The following SDCCAG8 variants were observed in gnomAD, a reference collection of about 807,000 sequenced individuals.
SDCCAG8 encodes the protein SHH signaling and ciliogenesis regulator SDCCAG8.
A neutral mutation model predicts 101.8 loss-of-function variants in SDCCAG8; 74 were observed. The ratio of observed to expected loss-of-function variants is 0.73; its 90% CI spans 0.60 to 0.88. SDCCAG8 has a LOEUF of 0.88. SDCCAG8 is among the 40% of genes least tolerant of loss of function. SDCCAG8 has a pLI of 0.00. For missense variants in SDCCAG8, 787 were observed against 822.6 expected (o/e 0.96, Z 0.53); for synonymous variants, 281 against 292.9 (o/e 0.96, Z 0.41).
At chr1:243,430,085 C>T (rs998636910) in intron 16 of SDCCAG8, among the ~76,000 whole-genome samples, 6 of 152,144 alleles carry the variant, frequency 3.9e-5, no homozygotes, top group East Asian at 1.9e-4. Flanking sequence ...CCTCCCGCCT[C>T]GGCCTTCCAA....
At chr1:243,333,327 T>A (rs559617923) in intron 10 of SDCCAG8, among the ~76,000 whole-genome samples, 3 of 152,334 alleles carry the variant, frequency 2.0e-5, no homozygotes, top group African/African-American at 7.2e-5. Context: ...CAATCTTTCT[T>A]CTAATCTGTG....
intron 17 of SDCCAG8, among the ~76,000 whole-genome samples, chr1:243,489,403 C>A (rs576566744): frequency 1.3e-5 from 2 of 152,274 alleles, no homozygotes; most frequent in Admixed American, 6.5e-5. Context: ...TGCCAAGTTG[C>A]GCCGTGCAGG....
chr1:243,314,898 C>CA (rs2073098809), intron 8 of SDCCAG8, among the ~76,000 whole-genome samples: 1 of 152,156 alleles, frequency 6.6e-6, no homozygotes, highest in South Asian at 2.1e-4. Context: ...TTAATAGAGA[C>CA]AGAGTTTCAG....
chr1:243,447,572 C>T (rs182560232), intron 16 of SDCCAG8, among the ~76,000 whole-genome samples: 9 of 152,144 alleles, frequency 5.9e-5, no homozygotes, highest in Non-Finnish European at 8.8e-5. Context: ...CACTGTGACT[C>T]AAAGGGGTGG....
chr1:243,414,675 A>G lies in SDCCAG8; in HGVS notation c.1617-1027A>G, dbSNP rs200063814. ...TAGTGATAGCTTTATGGAATTGTTT[A>G]TTTTTAGTTTGGCAAAGGCTAAGCA... On this transcript the variant is annotated intron_variant, in intron 13 of 17. Coordinates refer to ENST00000366541, the MANE Select transcript of SDCCAG8 (RefSeq NM_006642.5). Among the ~76,000 whole-genome samples the G allele has an allele frequency of 2.6e-5, 4 of 152,164 alleles. No homozygotes were observed. In the East Asian group the frequency reaches 5.8e-4, roughly 22 times the overall value.
At chr1:243,417,452 A>T (rs1254942458) in intron 14 of SDCCAG8, among the ~76,000 whole-genome samples, 1 of 152,216 alleles carries the variant, frequency 6.6e-6, no homozygotes, top group Non-Finnish European at 1.5e-5. Flanking sequence ...TAAAGAAAAT[A>T]CACATTTTTA....
At chr1:243,358,213 A>G (rs1301809787) in intron 12 of SDCCAG8, among the ~76,000 whole-genome samples, 1 of 152,198 alleles carries the variant, frequency 6.6e-6, no homozygotes, top group East Asian at 1.9e-4. Context: ...ACTTGTATCT[A>G]GGATATGTAA....
rs773387976 is a variant in SDCCAG8 at position 243,256,273 on chromosome 1, G to T, written c.67+33G>T. ...GCTCCAAACCTCTGTCCCTAGCCCC[G>T]AGGTGCCCAGGGCCTAGTGGGCGGG... On this transcript the variant is annotated intron_variant, in intron 1 of 17. Transcript: ENST00000366541. 7 of 1,596,642 alleles carry T rather than the reference G, an allele frequency of 4.4e-6. 1 individual carries two copies. In the African/African-American group the frequency reaches 6.7e-5, roughly 15 times the overall value.
chr1:243,333,109 A>T (rs2074744471), intron 10 of SDCCAG8, among the ~76,000 whole-genome samples: 1 of 152,166 alleles, frequency 6.6e-6, no homozygotes, highest in Non-Finnish European at 1.5e-5. Flanking sequence ...GCCTTAAAAT[A>T]AATTTTCACC....
intron 16 of SDCCAG8, among the ~76,000 whole-genome samples, chr1:243,466,618 G>A (rs2148176860): frequency 6.6e-6 from 1 of 152,340 alleles, no homozygotes; most frequent in African/African-American, 2.4e-5. Context: ...GAACAGTGCA[G>A]GGCACATAGT....
At chr1:243,486,722 T>C (rs1326708827) in intron 16 of SDCCAG8, among the ~76,000 whole-genome samples, 1 of 152,196 alleles carries the variant, frequency 6.6e-6, no homozygotes, top group Non-Finnish European at 1.5e-5. Context: ...ACTGAGCCCA[T>C]CGGTCCAAAG....
chr1:243,418,283 A>G (rs1411548302), intron 15 of SDCCAG8, among the ~76,000 whole-genome samples: 1 of 152,132 alleles, frequency 6.6e-6, no homozygotes, highest in Non-Finnish European at 1.5e-5. Flanking sequence ...TGTATGTACT[A>G]TTATTTGACA....
chr1:243,471,441 C>T (rs1661251089), intron 16 of SDCCAG8, among the ~76,000 whole-genome samples: 2 of 152,132 alleles, frequency 1.3e-5, no homozygotes, highest in Admixed American at 1.3e-4. Flanking sequence ...TTCTGTCTGC[C>T]TCTGTGTCTG....
At chr1:243,409,276 GA>G (rs920277185) in intron 13 of SDCCAG8, among the ~76,000 whole-genome samples, 7 of 152,002 alleles carry the variant, frequency 4.6e-5, no homozygotes, top group Non-Finnish European at 1.0e-4. Flanking sequence ...TACTATTGAG[GA>G]AAAAATTACA....
chr1:243,492,342 C>T (rs1666692700), intron 17 of SDCCAG8, among the ~76,000 whole-genome samples: 1 of 122,464 alleles, frequency 8.2e-6, no homozygotes, highest in Admixed American at 1.0e-4. Context: ...TGCTCCGTCA[C>T]CCGGACTGGA....
At chr1:243,272,979 A>AT (rs889392914) in intron 3 of SDCCAG8, among the ~76,000 whole-genome samples, 1 of 152,122 alleles carries the variant, frequency 6.6e-6, no homozygotes, top group African/African-American at 2.4e-5. Context: ...TCATGTGAAC[A>AT]TTTTTCATAC....
chr1:243,463,312 G>A (rs536897213), intron 16 of SDCCAG8, among the ~76,000 whole-genome samples: 3 of 152,372 alleles, frequency 2.0e-5, no homozygotes, highest in African/African-American at 7.2e-5. Flanking sequence ...ACACTTGATG[G>A]CTAGGGAGAG....
rs1027212968 is a variant in SDCCAG8, at chr1:243,259,548, G to T, written c.67+3308G>T. On this transcript the variant is annotated intron_variant, in intron 1 of 17. Transcript: ENST00000366541. ...TTGTTTTTAAAATGAGGTTGGGCGCGGTGGCTCACGCCTGTAATCCCAGCA... is the reference window on the plus strand; with the variant it reads ...TTGTTTTTAAAATGAGGTTGGGCGCTGTGGCTCACGCCTGTAATCCCAGCA... 7.9e-5 allele frequency among the ~76,000 whole-genome samples: 12 copies of T among 152,016 alleles called. No individual in the cohort carries two copies. In the East Asian group the frequency reaches 2.0e-3, roughly 25 times the overall value.
chr1:243,431,869 T>C (rs761378041), intron 16 of SDCCAG8, among the ~76,000 whole-genome samples: 44 of 152,216 alleles, frequency 2.9e-4, no homozygotes, highest in Non-Finnish European at 5.9e-4. Context: ...TTACAGGAGT[T>C]TTTTCCCCCT....
Sources: gnomAD v4.1 joint callset for allele counts (sites outside exome capture counted in the v4.1 genomes callset) on GRCh38, gnomAD v4.1.1 for gene constraint, MANE v1.5 for transcripts, NCBI Gene and HGNC (gene_info 2026-07-23, HGNC 2026-07-21) for gene names.